Variants in NCAPG2 observed in about 807,000 individuals in gnomAD.
NCAPG2 encodes the protein non-SMC condensin II complex subunit G2.
In NCAPG2, 53 loss-of-function variants were observed where a neutral mutation model predicts 141.1. The ratio of observed to expected loss-of-function variants is 0.38; its 90% CI spans 0.30 to 0.47. The LOEUF (loss-of-function observed/expected upper bound fraction) is 0.47, where lower values mean the gene tolerates loss of function less well. Ranked by LOEUF, NCAPG2 falls within the 20% of genes least tolerant of loss-of-function variation. NCAPG2 has a pLI of 0.99. For synonymous variants in NCAPG2, 499 were observed against 490.7 expected (o/e 1.02, Z -0.22); for missense variants, 1,087 against 1,389.0 (o/e 0.78, Z 3.46).
chr7:158,644,172 C>A, intron 27 of NCAPG2, 117 bp downstream of exon 27: 2 of 768,176 alleles, frequency 2.6e-6, no homozygotes, highest in Admixed American at 2.3e-5. Context: ...TCCTTAGAGT[C>A]CCCAGTCTCC....
At chr7:158,644,193 G>T (rs771384596) in intron 27 of NCAPG2, 96 bp downstream of exon 27, 2 of 1,019,454 alleles carry the variant, frequency 2.0e-6, no homozygotes, top group Non-Finnish European at 3.0e-6. Flanking sequence ...TAACCACCTG[G>T]GTGTAAGTAG....
intron 2 of NCAPG2, among the ~76,000 whole-genome samples, chr7:158,695,914 G>A (rs1160071959): frequency 6.6e-6 from 1 of 152,248 alleles, no homozygotes; most frequent in East Asian, 1.9e-4. Flanking sequence ...GGCCGGTGGG[G>A]TGGACATCCT....
Position 158,660,867 on chromosome 7 carries a change from C to T in NCAPG2, c.1989+1327G>A, listed in dbSNP as rs1359744877. ...TAGGGGTGGTTTCTCCCATACTGTT[C>T]TTATGGTAGTAAGTCTCACGAGATC... On this transcript the variant is annotated intron_variant, in intron 16 of 27. Transcript: ENST00000356309. Among the ~76,000 whole-genome samples, 10 of 152,206 alleles carry T rather than the reference C, an allele frequency of 6.6e-5. No individual in the cohort carries two copies. In the East Asian group the frequency reaches 1.9e-3, roughly 29 times the overall value.
At chr7:158,637,072 C>T (rs1023117549) in intron 27 of NCAPG2, among the ~76,000 whole-genome samples, 21 of 152,054 alleles carry the variant, frequency 1.4e-4, no homozygotes, top group East Asian at 3.9e-4. Flanking sequence ...CTCAGCCTCC[C>T]GAGCAGCTGG....
intron 14 of NCAPG2, 50 bp downstream of exon 14, chr7:158,664,478 G>A: frequency 6.3e-7 from 1 of 1,582,934 alleles, no homozygotes; most frequent in Non-Finnish European, 8.6e-7. Context: ...TTTGTATTAT[G>A]CTTTTGGGGG....
chr7:158,697,629 G>GA (rs1835539300), intron 2 of NCAPG2, among the ~76,000 whole-genome samples: 1 of 150,190 alleles, frequency 6.7e-6, no homozygotes, highest in East Asian at 1.9e-4. Flanking sequence ...AGTAAAAATA[G>GA]AAAAAAGCTA....
chr7:158,693,807 T>C (rs554121606), intron 2 of NCAPG2, among the ~76,000 whole-genome samples: 24 of 152,292 alleles, frequency 1.6e-4, no homozygotes, highest in African/African-American at 5.5e-4. Flanking sequence ...TCAATAACAA[T>C]GGCAATAATA....
At chr7:158,668,248 ACCCACTACTGGG>A in intron 13 of NCAPG2, 2 of 465,326 alleles carry the variant, frequency 4.3e-6, no homozygotes, top group African/African-American at 6.5e-5. Flanking sequence ...TGCCCTCCTT[ACCCACTACTGGG>A]TCCCTCTGCC....
chr7:158,646,359 T>C, intron 25 of NCAPG2, 101 bp downstream of exon 25: 1 of 754,998 alleles, frequency 1.3e-6, no homozygotes. Context: ...TAGAAAAGAA[T>C]GTAGCTTTGA....
In NCAPG2 at chr7:158,676,853, A is replaced by G. The variant is rs556563225; in HGVS notation, c.1147-1197T>C. ...TTGACCAAAATGATCAATTTCTATT[A>G]GCAATAATAGAAACAAAAAGACTGA... On this transcript the variant is annotated intron_variant, in intron 11 of 27. Coordinates refer to ENST00000356309, the MANE Select transcript of NCAPG2 (RefSeq NM_017760.7). Among the ~76,000 whole-genome samples the G allele has an allele frequency of 3.9e-5, 6 of 152,346 alleles. No individual in the cohort carries two copies. The South Asian group carries it at 6.2e-4, about 16-fold the overall frequency.
chr7:158,669,198 CTT>C (rs1255372068), intron 13 of NCAPG2, among the ~76,000 whole-genome samples: 1 of 152,114 alleles, frequency 6.6e-6, no homozygotes, highest in Non-Finnish European at 1.5e-5. Flanking sequence ...GGTTCCATGT[CTT>C]TGCTATTGTG....
intron 13 of NCAPG2, among the ~76,000 whole-genome samples, chr7:158,667,685 C>A (rs1248481173): frequency 3.9e-5 from 1 of 25,442 alleles, no homozygotes; most frequent in African/African-American, 1.8e-4. Context: ...TACTGGGTCC[C>A]TCCGCCCGCC....
At chr7:158,650,067 T>C (rs1184988181) in intron 24 of NCAPG2, among the ~76,000 whole-genome samples, 1 of 152,252 alleles carries the variant, frequency 6.6e-6, no homozygotes, top group East Asian at 1.9e-4. Flanking sequence ...CATTTTTTTT[T>C]CTTTGAGACG....
chr7:158,657,178 T>G (rs972331136), intron 17 of NCAPG2, among the ~76,000 whole-genome samples: 3 of 152,230 alleles, frequency 2.0e-5, no homozygotes, highest in African/African-American at 4.8e-5. Context: ...TACCCACATT[T>G]GAAAACACAA....
chr7:158,655,402 A>G lies in NCAPG2; in HGVS notation c.2442T>C (p.Ser814=), dbSNP rs760538959. The part of the protein sequence containing the change: ...QTPGGKPRGF[S]EAAAPRAFGL... ...CAAAGGCTCGCGGGGCAGCTGCTTC[A>G]CTGAAGCCACGAGGCTTCCCACCCG... Residue 814 remains serine, a synonymous_variant, in exon 20 of 28, where the codon AGT becomes AGC. Transcript: ENST00000356309. The G allele has an allele frequency of 5.0e-6, 8 of 1,614,042 alleles. No homozygotes were observed. The East Asian group carries it at 1.1e-4, about 22-fold the overall frequency.
At position 158,647,216 on chromosome 7, in the gene NCAPG2, T is replaced by G. The variant is rs76289185; in HGVS notation, c.3076-653A>C. 3.8e-3 allele frequency among the ~76,000 whole-genome samples: 579 copies of G among 152,332 alleles called. 2 individuals are homozygous for G. The highest frequency in any genetic ancestry group is 5.9e-3 in the Non-Finnish European group (404 of 68,032). On this transcript the variant is annotated intron_variant, in intron 24 of 27. Coordinates refer to ENST00000356309, the MANE Select transcript of NCAPG2 (RefSeq NM_017760.7). ...TCCTGTCTAAATTGGCGTTTCTCAA[T>G]CTCAGCACTACTGACCTGACCAGCT...
At chr7:158,693,168 C>T (rs1835234546) in intron 3 of NCAPG2, 141 bp downstream of exon 3, 1 of 953,476 alleles carries the variant, frequency 1.0e-6, no homozygotes, top group African/African-American at 1.7e-5. Context: ...GTGAATAAAA[C>T]TACAACAGAC....
intron 4 of NCAPG2, among the ~76,000 whole-genome samples, chr7:158,691,213 A>G (rs1316234203): frequency 1.3e-5 from 2 of 152,268 alleles, no homozygotes; most frequent in Non-Finnish European, 1.5e-5. Context: ...TTATTAACAG[A>G]AAAGCTCAAT....
At chr7:158,668,713 A>C in intron 13 of NCAPG2, among the ~76,000 whole-genome samples, 1 of 152,220 alleles carries the variant, frequency 6.6e-6, no homozygotes, top group East Asian at 1.9e-4. Context: ...ATATTCACAA[A>C]AAGTTTTCTC....
Sources: allele counts gnomAD v4.1 joint callset (sites outside exome capture counted in the v4.1 genomes callset), GRCh38; gene constraint gnomAD v4.1.1; transcripts MANE v1.5; gene names NCBI Gene and HGNC (gene_info 2026-07-23, HGNC 2026-07-21).